Variants in SPON1 observed in about 807,000 individuals in gnomAD.
SPON1 encodes the protein spondin 1.
A neutral mutation model predicts 111.7 loss-of-function variants in SPON1; 52 were observed. The ratio of observed to expected loss-of-function variants is 0.47; its 90% CI spans 0.37 to 0.59. SPON1 has a LOEUF of 0.59. SPON1 is among the 20% of genes least tolerant of loss of function. The pLI is 0.00. For missense variants in SPON1, 957 were observed against 1,068.5 expected (o/e 0.90, Z 1.46); for synonymous variants, 410 against 395.8 (o/e 1.04, Z -0.43).
At chr11:14,048,706 A>G (rs1554918128) in intron 3 of SPON1, among the ~76,000 whole-genome samples, 1 of 152,226 alleles carries the variant, frequency 6.6e-6, no homozygotes, top group East Asian at 1.9e-4. Flanking sequence ...ATAGACAAGT[A>G]GCGATTGATT....
intron 5 of SPON1, among the ~76,000 whole-genome samples, chr11:14,094,792 T>G (rs1003112591): frequency 2.6e-5 from 4 of 152,276 alleles, no homozygotes. Flanking sequence ...AGGAGAGAGA[T>G]AAGGCCATAT....
At chr11:14,224,426 T>A (rs138608767) in intron 6 of SPON1, among the ~76,000 whole-genome samples, 3 of 152,162 alleles carry the variant, frequency 2.0e-5, no homozygotes, top group East Asian at 3.9e-4. Flanking sequence ...TGGTAGTTTA[T>A]GCAAAGAAGC....
At chr11:14,069,765 A>G (rs572054602) in intron 3 of SPON1, among the ~76,000 whole-genome samples, 1 of 152,008 alleles carries the variant, frequency 6.6e-6, no homozygotes, top group Non-Finnish European at 1.5e-5. Flanking sequence ...TTTTGCAGTC[A>G]TGGTAGATGA....
chr11:13,962,833 G>C lies in SPON1; in HGVS notation c.-72G>C. 7.4e-7 allele frequency: 1 copy of C among 1,350,810 alleles called. No homozygotes were observed. Among genetic ancestry groups the C allele is most frequent in the African/African-American group, 1.5e-5 (1 of 64,754 alleles). 83.7% of individuals were successfully genotyped at this position (1,350,810 alleles called of 1,614,324 possible). A position where few individuals can be genotyped will look rare whatever the true frequency, so the allele number is the denominator to read the frequency against. On this transcript the variant is annotated 5_prime_UTR_variant, in exon 1 of 16. Coordinates refer to ENST00000576479, the MANE Select transcript of SPON1 (RefSeq NM_006108.4). Reference sequence around the variant, plus strand: ...CGCGCCTCCGCCAGGTCGCGCCTTCGTCGGGACCACTTCGGGCAGGAGTCG... The same window carrying C: ...CGCGCCTCCGCCAGGTCGCGCCTTCCTCGGGACCACTTCGGGCAGGAGTCG...
At position 14,259,130 on chromosome 11, in the gene SPON1, C is replaced by T; in HGVS notation, c.1493-150C>T. On this transcript the variant is annotated intron_variant, in intron 11 of 15. Coordinates refer to ENST00000576479, the MANE Select transcript of SPON1 (RefSeq NM_006108.4). The surrounding 1 kb of genome is among the most constrained non-coding windows in gnomAD (Gnocchi z 5.0). ...AGGCATTTCCTCTTAGAGAACTTTG[C>T]CAGTTTAAGGATTTAGACCTCTTAG... The T allele has an allele frequency of 1.3e-6, 1 of 754,460 alleles. No homozygotes were observed. The highest frequency in any genetic ancestry group is 2.0e-6 in the Non-Finnish European group (1 of 491,086). The allele number at this position is 754,460 out of a possible 1,614,324, so 46.7% of individuals were successfully genotyped here. A position where few individuals can be genotyped will look rare whatever the true frequency, so the allele number is the denominator to read the frequency against.
intron 6 of SPON1, among the ~76,000 whole-genome samples, chr11:14,195,851 A>G (rs1326115084): frequency 6.6e-6 from 1 of 152,170 alleles, no homozygotes; most frequent in African/African-American, 2.4e-5. Context: ...CTATGTACAT[A>G]TAACTTTGCA....
rs549285581 is a variant in SPON1, at chr11:14,122,223, G to A, written c.677-13197G>A. 4.6e-5 allele frequency among the ~76,000 whole-genome samples: 7 copies of A among 152,206 alleles called. No homozygotes were observed. In the East Asian group the frequency reaches 1.4e-3, roughly 29 times the overall value. On this transcript the variant is annotated intron_variant, in intron 5 of 15. Coordinates refer to ENST00000576479, the MANE Select transcript of SPON1 (RefSeq NM_006108.4). ...GGAGTCTTGCTCTGTCGCCCAGGCT[G>A]GAGTGCAGTGCACGATCTCGGCCCA...
At chr11:13,974,952 A>T (rs1165466293) in intron 1 of SPON1, among the ~76,000 whole-genome samples, 3 of 152,288 alleles carry the variant, frequency 2.0e-5, no homozygotes, top group African/African-American at 7.2e-5. Context: ...CTGGCCCATC[A>T]CACATTTCTG....
intron 2 of SPON1, among the ~76,000 whole-genome samples, chr11:13,985,176 G>A (rs1342442610): frequency 6.6e-6 from 1 of 152,210 alleles, no homozygotes; most frequent in African/African-American, 2.4e-5. Context: ...ATTCTAATGA[G>A]ACATAGACCA....
intron 4 of SPON1, among the ~76,000 whole-genome samples, chr11:14,077,885 C>T (rs1437354173): frequency 6.7e-6 from 1 of 149,198 alleles, no homozygotes; most frequent in East Asian, 1.9e-4. Flanking sequence ...AGAAAAATGT[C>T]AACAGAAACA....
At chr11:14,190,992 T>A (rs1216809355) in intron 6 of SPON1, among the ~76,000 whole-genome samples, 1 of 151,540 alleles carries the variant, frequency 6.6e-6, no homozygotes, top group African/African-American at 2.4e-5. Context: ...AAAAAAGCAC[T>A]TACAATCCCA....
chr11:14,069,216 T>C (rs1848856094), intron 3 of SPON1, among the ~76,000 whole-genome samples: 1 of 152,188 alleles, frequency 6.6e-6, no homozygotes, highest in Non-Finnish European at 1.5e-5. Flanking sequence ...TTTTCTCATC[T>C]GTAAAATAGG....
chr11:14,145,938 G>A (rs574749588), intron 6 of SPON1, among the ~76,000 whole-genome samples: 78 of 152,186 alleles, frequency 5.1e-4, no homozygotes, highest in African/African-American at 1.8e-3. Flanking sequence ...TGTATAGCTT[G>A]ATTCCATATA....
chr11:14,230,235 C>G lies in SPON1; in HGVS notation c.826-13097C>G, dbSNP rs571382340. Among the ~76,000 whole-genome samples the G allele has an allele frequency of 7.9e-5, 12 of 152,288 alleles. 1 individual carries two copies. The East Asian group carries it at 2.1e-3, about 27-fold the overall frequency. ...CCTTAAAGCACACTTACTTCTCCCC[C>G]ATTCGGGTCACTTGGAGCTTCATTA... is the stretch of plus-strand genomic sequence containing the variant. On this transcript the variant is annotated intron_variant, in intron 6 of 15. Coordinates refer to ENST00000576479, the MANE Select transcript of SPON1 (RefSeq NM_006108.4).
chr11:14,059,868 T>C (rs527970620), intron 3 of SPON1, among the ~76,000 whole-genome samples: 60 of 152,302 alleles, frequency 3.9e-4, no homozygotes, highest in African/African-American at 1.3e-3. Flanking sequence ...CAGATGCTTC[T>C]GCTAATTGTG....
intron 5 of SPON1, among the ~76,000 whole-genome samples, chr11:14,127,948 A>G (rs955997971): frequency 6.6e-6 from 1 of 152,190 alleles, no homozygotes; most frequent in Non-Finnish European, 1.5e-5. Context: ...GCTATCATAT[A>G]TAATAAGAAC....
chr11:14,066,841 A>C (rs545730108), intron 3 of SPON1, among the ~76,000 whole-genome samples: 2 of 151,930 alleles, frequency 1.3e-5, no homozygotes, highest in African/African-American at 4.8e-5. Context: ...CCCTCTTCTC[A>C]GTCTCTTCTG....
intron 5 of SPON1, among the ~76,000 whole-genome samples, chr11:14,108,544 G>A (rs1849202490): frequency 6.6e-6 from 1 of 152,162 alleles, no homozygotes; most frequent in Non-Finnish European, 1.5e-5. Context: ...ATCACTGGAA[G>A]TAAAGGGCCC....
chr11:14,007,847 G>C (rs1848374416), intron 2 of SPON1, among the ~76,000 whole-genome samples: 1 of 152,092 alleles, frequency 6.6e-6, no homozygotes. Flanking sequence ...GTGTGTGGCT[G>C]CATCACTCTA....
Sources: gnomAD v4.1 joint callset for allele counts (sites outside exome capture counted in the v4.1 genomes callset) on GRCh38, gnomAD v4.1.1 for gene constraint, Gnocchi (gnomAD v3.1) non-coding constraint, MANE v1.5 for transcripts, NCBI Gene and HGNC (gene_info 2026-07-23, HGNC 2026-07-21) for gene names.